The following DTNB variants were observed in gnomAD, a reference collection of about 807,000 sequenced individuals.
DTNB encodes the protein dystrobrevin beta, also known as DTN-B.
A neutral mutation model predicts 90.7 loss-of-function variants in DTNB; 63 were observed. That is an observed-to-expected ratio of 0.69 (90% CI 0.57 to 0.86). DTNB has a LOEUF of 0.86. Ranked by LOEUF, DTNB falls within the 40% of genes least tolerant of loss-of-function variation. The probability of loss-of-function intolerance (pLI) is 0.00; values close to 1 mark genes in which losing one functional copy is unlikely to be tolerated. For synonymous variants in DTNB, 277 were observed against 286.7 expected (o/e 0.97, Z 0.34); for missense variants, 744 against 807.1 (o/e 0.92, Z 0.95).
chr2:25,603,406 T>A (rs2066324689), intron 5 of DTNB, among the ~76,000 whole-genome samples: 2 of 152,170 alleles, frequency 1.3e-5, no homozygotes, highest in South Asian at 4.1e-4. Context: ...AAAAGTTACC[T>A]CCGAATCTAG....
chr2:25,652,802 G>T, intron 1 of DTNB, 141 bp from the exon 2 acceptor site: 1 of 657,668 alleles, frequency 1.5e-6, no homozygotes, highest in Non-Finnish European at 2.4e-6. Flanking sequence ...TAAACTGGAA[G>T]CCTGATTCAG....
chr2:25,647,303 A>G (rs1162719992), intron 2 of DTNB, among the ~76,000 whole-genome samples: 2 of 152,220 alleles, frequency 1.3e-5, no homozygotes, highest in African/African-American at 4.8e-5. Flanking sequence ...AAAAATTAAT[A>G]CTCTTGATCA....
intron 5 of DTNB, among the ~76,000 whole-genome samples, chr2:25,605,294 C>T (rs1225320302): frequency 6.6e-6 from 1 of 152,220 alleles, no homozygotes; most frequent in Non-Finnish European, 1.5e-5. Flanking sequence ...GTCTGTATCA[C>T]AGCCATCCAA....
At chr2:25,447,551 C>G (rs1472561848) in intron 12 of DTNB, among the ~76,000 whole-genome samples, 1 of 141,940 alleles carries the variant, frequency 7.0e-6, no homozygotes, top group Non-Finnish European at 1.5e-5. Context: ...GTTGCCCAGG[C>G]TGGAGTACAG....
Position 25,538,110 on chromosome 2 carries a change from T to C in DTNB, c.877-6513A>G, listed in dbSNP as rs115090857. ...TTTTTAAAATATATCAGGCTGGGCATGGTGGCTCATGCCTATAATGCCAGC... is the reference window on the plus strand; with the variant it reads ...TTTTTAAAATATATCAGGCTGGGCACGGTGGCTCATGCCTATAATGCCAGC... On this transcript the variant is annotated intron_variant, in intron 8 of 20. Transcript: ENST00000406818. Among the ~76,000 whole-genome samples, 1,190 of 152,262 alleles carry C rather than the reference T, an allele frequency of 7.8e-3. 13 individuals are homozygous for C. Among genetic ancestry groups the C allele is most frequent in the African/African-American group, 0.027 (1,132 of 41,548 alleles).
intron 3 of DTNB, among the ~76,000 whole-genome samples, chr2:25,637,464 C>A (rs1172649050): frequency 6.6e-6 from 1 of 152,292 alleles, no homozygotes; most frequent in African/African-American, 2.4e-5. Flanking sequence ...ACCCATCTGA[C>A]AAAGGGCTAA....
chr2:25,527,640 AC>A (rs1432618623), intron 9 of DTNB, among the ~76,000 whole-genome samples: 2 of 152,234 alleles, frequency 1.3e-5, no homozygotes, highest in African/African-American at 4.8e-5. Flanking sequence ...TGTATCAATA[AC>A]CTTTAAAATT....
intron 8 of DTNB, among the ~76,000 whole-genome samples, chr2:25,548,204 C>A (rs1281918347): frequency 2.0e-5 from 3 of 152,036 alleles, no homozygotes; most frequent in Non-Finnish European, 4.4e-5. Flanking sequence ...GTACTGAAAT[C>A]TAGGTTCCTC....
At chr2:25,507,580 T>A (rs1244965393) in intron 9 of DTNB, among the ~76,000 whole-genome samples, 2 of 152,172 alleles carry the variant, frequency 1.3e-5, no homozygotes, top group East Asian at 3.8e-4. Context: ...GTGTATCTTA[T>A]CACCTCTTAT....
At chr2:25,502,517 G>A (rs1312586061) in intron 9 of DTNB, among the ~76,000 whole-genome samples, 1 of 152,016 alleles carries the variant, frequency 6.6e-6, no homozygotes, top group African/African-American at 2.4e-5. Flanking sequence ...AAGATCGCGA[G>A]GATCACTTGA....
intron 8 of DTNB, among the ~76,000 whole-genome samples, chr2:25,552,907 G>A (rs1026781368): frequency 7.7e-6 from 1 of 130,410 alleles, no homozygotes; most frequent in Non-Finnish European, 1.5e-5. Flanking sequence ...AGGTCGGACT[G>A]CGGACTGCAG....
Position 25,467,691 on chromosome 2 carries a change from TTCTGAG to T in DTNB, c.1080-12203_1080-12198del, listed in dbSNP as rs545290942. On this transcript the variant is annotated intron_variant, in intron 10 of 20. Transcript: ENST00000406818. ...AAAGTACCTTTTATCAGCTCTGAAA[TTCTGAG>T]TCTAAGTAATAAAAAAAAATTGTAT... 8.9e-4 allele frequency among the ~76,000 whole-genome samples: 135 copies of T among 152,210 alleles called. 1 individual carries two copies. In the South Asian group the frequency reaches 0.015, roughly 17 times the overall value.
chr2:25,432,743 A>C (rs1448402362), intron 14 of DTNB, 143 bp downstream of exon 14: 1 of 817,302 alleles, frequency 1.2e-6, no homozygotes, highest in Non-Finnish European at 2.0e-6. Context: ...AAGCAGCAAC[A>C]GAATGGGTGA....
At chr2:25,636,143 A>G (rs574246828) in intron 3 of DTNB, among the ~76,000 whole-genome samples, 11 of 152,330 alleles carry the variant, frequency 7.2e-5, no homozygotes, top group Admixed American at 5.9e-4. Flanking sequence ...CTGAAAATAC[A>G]TATGGAAAAA....
chr2:25,452,354 T>C (rs1046269746), intron 11 of DTNB, among the ~76,000 whole-genome samples: 1 of 152,222 alleles, frequency 6.6e-6, no homozygotes, highest in African/African-American at 2.4e-5. Flanking sequence ...GATATGGAAC[T>C]TCTGATTCTG....
At chr2:25,585,506 T>C (rs1374408729) in intron 6 of DTNB, among the ~76,000 whole-genome samples, 7 of 152,182 alleles carry the variant, frequency 4.6e-5, no homozygotes, top group Non-Finnish European at 7.3e-5. Context: ...CTCACTTCCC[T>C]TCCTCCACCC....
chr2:25,419,961 C>T (rs1347722217), intron 15 of DTNB, among the ~76,000 whole-genome samples: 3 of 152,132 alleles, frequency 2.0e-5, no homozygotes, highest in Admixed American at 1.3e-4. Context: ...GTACATTTAT[C>T]GAGGCAAGTG....
chr2:25,398,599 G>A (rs1030120087), intron 16 of DTNB, among the ~76,000 whole-genome samples: 3 of 152,192 alleles, frequency 2.0e-5, no homozygotes, highest in Non-Finnish European at 2.9e-5. Context: ...TATACATCAC[G>A]CAAGGGATGT....
At chr2:25,456,462 T>C (rs1161518338) in intron 10 of DTNB, among the ~76,000 whole-genome samples, 1 of 152,228 alleles carries the variant, frequency 6.6e-6, no homozygotes, top group Non-Finnish European at 1.5e-5. Flanking sequence ...TTAAAAAATG[T>C]CCATTTACAA....
Sources: allele counts gnomAD v4.1 joint callset (sites outside exome capture counted in the v4.1 genomes callset), GRCh38; gene constraint gnomAD v4.1.1; transcripts MANE v1.5; gene names NCBI Gene and HGNC (gene_info 2026-07-23, HGNC 2026-07-21).